Variants in RPGR observed in about 807,000 individuals in gnomAD.
RPGR encodes X-linked retinitis pigmentosa GTPase regulator.
RPGR carries 10 observed loss-of-function variants against 56.3 expected under a neutral mutation model. The observed-to-expected ratio is 0.18, with a 90% CI of 0.11 to 0.30. RPGR has a LOEUF of 0.30. RPGR is among the 10% of genes least tolerant of loss of function. The probability of loss-of-function intolerance (pLI) is 1.00; values close to 1 mark genes in which losing one functional copy is unlikely to be tolerated. For synonymous variants in RPGR, 197 were observed against 212.9 expected (o/e 0.93, Z 0.65); for missense variants, 538 against 590.9 (o/e 0.91, Z 0.93).
At chrX:38,274,815 C>CA (rs1033372191) in intron 17 of RPGR, among the ~76,000 whole-genome samples, 14 of 107,478 alleles carry the variant, frequency 1.3e-4, no homozygotes, top group South Asian at 4.0e-4. Context: ...AACTCTGTCT[C>CA]AAAAAAAAAT....
At chrX:38,317,079 C>G (rs760793466) in intron 6 of RPGR, among the ~76,000 whole-genome samples, 47 of 111,578 alleles carry the variant, frequency 4.2e-4, no homozygotes, top group African/African-American at 1.5e-3. Context: ...GAAACTATAT[C>G]CCATGCTGAG....
intron 15 of RPGR, chrX:38,285,579 GA>G: frequency 8.3e-7 from 1 of 1,211,236 alleles, no homozygotes; most frequent in Non-Finnish European, 1.1e-6. Context: ...CATTATTCCA[GA>G]ACTTTTTGGA....
intron 15 of RPGR, among the ~76,000 whole-genome samples, chrX:38,279,744 TA>T (rs200266821): frequency 0.02 from 2,207 of 109,364 alleles, 38 homozygotes; most frequent in Middle Eastern, 0.042. Flanking sequence ...TTAAAAGTAA[TA>T]AAACAAACCA....
At position 38,314,141 on chromosome X, in the gene RPGR, G is replaced by GC. The variant is rs759303782; in HGVS notation, c.619+3174dup. On this transcript the variant is annotated intron_variant, in intron 6 of 18. Transcript: ENST00000642395. The stretch of plus-strand genomic sequence containing the variant: ...TGGGCGGCATTCTAAGCCATCCTAG[G>GC]CTGCGGGTTGGACGAGCTTGCTGTA... 2.9e-3 allele frequency among the ~76,000 whole-genome samples: 326 copies of GC among 111,549 alleles called. 1 individual carries two copies. Among genetic ancestry groups the GC allele is most frequent in the African/African-American group, 1.0e-2 (307 of 30,723 alleles).
intron 15 of RPGR, chrX:38,285,892 T>C (rs2067122054): frequency 2.6e-6 from 3 of 1,173,671 alleles, no homozygotes; most frequent in Non-Finnish European, 3.4e-6. Context: ...TCCTTCCTCT[T>C]CCTCTCCTTC....
chrX:38,274,537 G>A (rs1048393543), intron 17 of RPGR, among the ~76,000 whole-genome samples: 4 of 112,508 alleles, frequency 3.6e-5, no homozygotes, highest in Admixed American at 9.4e-5. Flanking sequence ...AACACCAGCC[G>A]GGTGTGGTGG....
rs2067215273 is a variant in RPGR at position 38,287,873 on chromosome X, C to T, written c.1741G>A (p.Asp581Asn). 8.3e-6 allele frequency: 10 copies of T among 1,210,666 alleles called. No individual in the cohort carries two copies. Among genetic ancestry groups the T allele is most frequent in the Non-Finnish European group, 1.1e-5 (10 of 894,672 alleles). Reference sequence around the variant, plus strand: ...CCTGTGTCATTACCTACTTCCTCATCTGAAAATGCTTCGATAGTCGTAGCT... The same window carrying T: ...CCTGTGTCATTACCTACTTCCTCATTTGAAAATGCTTCGATAGTCGTAGCT... Residue 581 changes from aspartate to asparagine, a missense_variant, in exon 14 of 19, where the codon GAT becomes AAT. Physicochemically the swap from Asp to Asn is conservative, Grantham distance 23 (BLOSUM62 1). Coordinates refer to ENST00000642395, the MANE Select transcript of RPGR (RefSeq NM_000328.3).
Position 38,269,774 on chromosome X carries a change from T to C in RPGR, c.2300A>G (p.Glu767Gly). Residue 767 changes from glutamate to glycine, a missense_variant, in exon 19 of 19, where the codon GAG becomes GGG. Around this residue, in one of 2 missense-constraint regions of RPGR, gnomAD observed 357 missense variants for 325.8 expected, o/e 1.10. Coordinates refer to ENST00000642395, the MANE Select transcript of RPGR (RefSeq NM_000328.3). ...TATGGATTTTATCTCTGGGAGCGGCTCATTGTTATTCTTGACAATCTTTTG... is the reference window on the plus strand; with the variant it reads ...TATGGATTTTATCTCTGGGAGCGGCCCATTGTTATTCTTGACAATCTTTTG... 8.3e-7 allele frequency: 1 copy of C among 1,210,497 alleles called. No individual in the cohort carries two copies. Among genetic ancestry groups the C allele is most frequent in the Non-Finnish European group, 1.1e-6 (1 of 894,635 alleles).
chrX:38,278,337 T>C (rs1232513542), intron 15 of RPGR, among the ~76,000 whole-genome samples: 2 of 112,142 alleles, frequency 1.8e-5, no homozygotes, highest in Non-Finnish European at 3.8e-5. Flanking sequence ...ACCTCCCGGG[T>C]TGAAGCGATT....
rs1476325776 is a variant in RPGR, at chrX:38,327,376, C to G, written c.-9G>C. On this transcript the variant is annotated 5_prime_UTR_variant, in exon 1 of 19. Coordinates refer to ENST00000642395, the MANE Select transcript of RPGR (RefSeq NM_000328.3). ...TCTTCCGGCTCCCTCATGCCACGGG[C>G]AGTACGGGCAGCCTGCGCCGGGGCC... 4 of 1,184,086 alleles carry G rather than the reference C, an allele frequency of 3.4e-6. No homozygotes were observed. The East Asian group carries it at 9.3e-5, about 27-fold the overall frequency.
intron 1 of RPGR, 49 bp downstream of exon 1, chrX:38,327,291 C>T: frequency 3.5e-6 from 4 of 1,151,308 alleles, no homozygotes; most frequent in Non-Finnish European, 2.3e-6. Context: ...CCCGGCCGCC[C>T]GCGGACCCTC....
At chrX:38,280,233 C>T (rs1399800863) in intron 15 of RPGR, among the ~76,000 whole-genome samples, 1 of 111,338 alleles carries the variant, frequency 9.0e-6, no homozygotes, top group Non-Finnish European at 1.9e-5. Context: ...TGTAGAGGCC[C>T]CTCCATAAAA....
At chrX:38,323,753 A>G (rs2067992353) in intron 1 of RPGR, among the ~76,000 whole-genome samples, 1 of 112,088 alleles carries the variant, frequency 8.9e-6, no homozygotes, top group Non-Finnish European at 1.9e-5. Flanking sequence ...TATTACTCAT[A>G]TACTGGTATA....
chrX:38,312,079 G>T (rs1291297235), intron 6 of RPGR, among the ~76,000 whole-genome samples: 1 of 112,254 alleles, frequency 8.9e-6, no homozygotes, highest in Non-Finnish European at 1.9e-5. Flanking sequence ...ACTTCAGGAA[G>T]GTGTGGGACA....
At chrX:38,315,655 T>C (rs962117108) in intron 6 of RPGR, among the ~76,000 whole-genome samples, 1 of 110,835 alleles carries the variant, frequency 9.0e-6, no homozygotes, top group South Asian at 3.8e-4. Flanking sequence ...ACAGGATGAT[T>C]ACAATCAAAA....
Position 38,318,831 on chromosome X carries a change from G to T in RPGR, c.467C>A (p.Thr156Asn), listed in dbSNP as rs751512713. The stretch of plus-strand genomic sequence containing the variant: ...ACTGAAAAAGAAACAAGTCTCACCA[G>T]TTAGGGCAGCTGAAGTATTAGATCC... Residue 156 changes from threonine to asparagine, a missense_variant and splice_region_variant, in exon 5 of 19, where the codon ACT becomes AAT. Coordinates refer to ENST00000642395, the MANE Select transcript of RPGR (RefSeq NM_000328.3). The T allele has an allele frequency of 1.7e-6, 2 of 1,211,661 alleles. No individual in the cohort carries two copies. Among genetic ancestry groups the T allele is most frequent in the Admixed American group, 4.3e-5 (2 of 46,084 alleles).
chrX:38,278,251 TTTTG>T (rs1307061249), intron 15 of RPGR, among the ~76,000 whole-genome samples: 1 of 112,157 alleles, frequency 8.9e-6, no homozygotes, highest in Non-Finnish European at 1.9e-5. Flanking sequence ...TGTTTTTTGC[TTTTG>T]TTTGAGACAG....
intron 15 of RPGR, among the ~76,000 whole-genome samples, chrX:38,278,894 T>C (rs2066981455): frequency 8.9e-6 from 1 of 112,155 alleles, no homozygotes; most frequent in African/African-American, 3.2e-5. Flanking sequence ...AACCACAGGA[T>C]AATGTCATGC....
At chrX:38,321,432 G>A (rs1334617103) in intron 3 of RPGR, among the ~76,000 whole-genome samples, 1 of 111,341 alleles carries the variant, frequency 9.0e-6, no homozygotes, top group Non-Finnish European at 1.9e-5. Flanking sequence ...ACAGGCAGAT[G>A]GCTTGAGCTC....
Sources: gnomAD v4.1 joint callset for allele counts (sites outside exome capture counted in the v4.1 genomes callset) on GRCh38, gnomAD v4.1.1 for gene constraint, gnomAD v4.1.1 regional missense constraint, MANE v1.5 for transcripts, NCBI Gene and HGNC (gene_info 2026-07-23, HGNC 2026-07-21) for gene names.